TP73: variants seen among roughly 807,000 people sequenced by gnomAD.
The protein encoded by TP73 is p53-like transcription factor.
TP73 carries 25 observed loss-of-function variants against 62.5 expected under a neutral mutation model. The observed-to-expected ratio is 0.40, with a 90% CI of 0.29 to 0.56. The LOEUF is 0.56. TP73 is among the 20% of genes least tolerant of loss of function. The pLI is 0.46. For missense variants in TP73, 754 were observed against 913.3 expected, an observed-to-expected ratio of 0.83 and a Z score of 2.25; for synonymous variants, 423 against 377.5, an observed-to-expected ratio of 1.12 and a Z score of -1.40.
intron 3 of TP73, among the ~76,000 whole-genome samples, chr1:3,684,444 C>G (rs1645601610): frequency 6.6e-6 from 1 of 152,214 alleles, no homozygotes; most frequent in Non-Finnish European, 1.5e-5. Flanking sequence ...ATTCCAGGAG[C>G]TGGAGCCCCT....
rs186052465 is a variant in TP73, at chr1:3,709,454, C to T, written c.429+1663C>T. ...GACCGTGCCAGGGCTGTGGCCAGCA[C>T]GGTGCTTAGCTCGCAGCAGGAGGCC... On this transcript the variant is annotated intron_variant, in intron 4 of 13. Coordinates refer to ENST00000378295, the MANE Select transcript of TP73 (RefSeq NM_005427.4). Among the ~76,000 whole-genome samples, 150 of 152,364 alleles carry T rather than the reference C, an allele frequency of 9.8e-4. No homozygotes were observed. The Middle Eastern group carries it at 0.017, about 17-fold the overall frequency.
In TP73 at chr1:3,733,310, T is replaced by G. The variant is rs1187797055; in HGVS notation, c.*231T>G. 2.4e-5 allele frequency: 14 copies of G among 595,382 alleles called. No individual in the cohort carries two copies. Among genetic ancestry groups the G allele is most frequent in the Middle Eastern group, 7.6e-4 (2 of 2,640 alleles). The allele number at this position is 595,382 out of a possible 1,614,324, so 36.9% of individuals were successfully genotyped here. A position where few individuals can be genotyped will look rare whatever the true frequency, so the allele number is the denominator to read the frequency against. ...GCAGAACCTTCTGGAGCTGCCCTAG[T>G]GCTGGGCTTGTGGGGCGGGGGCTGG... On this transcript the variant is annotated 3_prime_UTR_variant, in exon 14 of 14. Transcript: ENST00000378295.
At chr1:3,669,842 G>T (rs928663567) in intron 1 of TP73, among the ~76,000 whole-genome samples, 2 of 152,240 alleles carry the variant, frequency 1.3e-5, no homozygotes, top group Non-Finnish European at 2.9e-5. Context: ...GGCTTGTGGG[G>T]ATTTGCTGTG....
chr1:3,731,434 C>T (rs1271314319), intron 12 of TP73, 29 bp from the exon 13 acceptor site: 1 of 1,601,506 alleles, frequency 6.2e-7, no homozygotes, highest in Non-Finnish European at 8.6e-7. Context: ...GAAGCTAATG[C>T]TGCTTCCTTT....
intron 3 of TP73, among the ~76,000 whole-genome samples, chr1:3,702,120 G>A (rs1023605342): frequency 2.6e-5 from 4 of 152,108 alleles, no homozygotes; most frequent in African/African-American, 7.2e-5. Context: ...AGCCATCACC[G>A]TCCCCAGCTT....
At position 3,666,469 on chromosome 1, in the gene TP73, C is replaced by T. The variant is rs1645116219; in HGVS notation, c.-34+13828C>T. 6.6e-6 allele frequency among the ~76,000 whole-genome samples: 1 copy of T among 152,194 alleles called. No individual in the cohort carries two copies. The highest frequency in any genetic ancestry group is 2.4e-5 in the African/African-American group (1 of 41,430). On this transcript the variant is annotated intron_variant, in intron 1 of 13. Coordinates refer to ENST00000378295, the MANE Select transcript of TP73 (RefSeq NM_005427.4). The surrounding 1 kb of genome is among the most constrained non-coding windows in gnomAD (Gnocchi z 6.4). ...CAGTTTCACTTCTGCGGCATGCCCTCAGGAACTCACTGATGCACACAGAGG... is the reference window on the plus strand; with the variant it reads ...CAGTTTCACTTCTGCGGCATGCCCTTAGGAACTCACTGATGCACACAGAGG...
intron 3 of TP73, among the ~76,000 whole-genome samples, chr1:3,700,875 AT>A (rs1639102218): frequency 6.6e-6 from 1 of 152,208 alleles, no homozygotes; most frequent in Admixed American, 6.5e-5. Flanking sequence ...ATCCAACTTA[AT>A]CTGAAATAGA....
chr1:3,729,460 C>G lies in TP73; in HGVS notation c.1196+12C>G. 1 of 1,612,510 alleles carries G rather than the reference C, an allele frequency of 6.2e-7. No individual in the cohort carries two copies. The highest frequency in any genetic ancestry group is 1.1e-5 in the South Asian group (1 of 91,070). On this transcript the variant is annotated intron_variant, in intron 10 of 13. Transcript: ENST00000378295. ...CTCCTACAGAGGCCGTGAGTCAGCCCTAGCCCACCATCAGTGTGGGGAAGG... is the reference window on the plus strand; with the variant it reads ...CTCCTACAGAGGCCGTGAGTCAGCCGTAGCCCACCATCAGTGTGGGGAAGG...
Position 3,703,049 on chromosome 1 carries a change from G to A in TP73, c.187-4500G>A, listed in dbSNP as rs3765745. The stretch of plus-strand genomic sequence containing the variant: ...AGAGTCCCCCGAGCCAGGTGGAGGG[G>A]CTTGTGGAGGATGCCTGGGGAGGCC... On this transcript the variant is annotated intron_variant, in intron 3 of 13. Transcript: ENST00000378295. Among the ~76,000 whole-genome samples, 414 of 152,336 alleles carry A rather than the reference G, an allele frequency of 2.7e-3. 17 individuals are homozygous for A. The East Asian group carries it at 0.068, about 25-fold the overall frequency.
intron 9 of TP73, 63 bp downstream of exon 9, chr1:3,728,280 C>A (rs2124525147): frequency 1.3e-6 from 2 of 1,544,802 alleles, no homozygotes; most frequent in South Asian, 1.1e-5. Context: ...CTGCTGAGCC[C>A]AGGCTGGGCC....
intron 1 of TP73, among the ~76,000 whole-genome samples, chr1:3,653,496 G>C (rs950267277): frequency 1.3e-5 from 2 of 152,234 alleles, no homozygotes; most frequent in Non-Finnish European, 2.9e-5. Flanking sequence ...ACAGGGGACA[G>C]ATAGACGATC....
Position 3,701,717 on chromosome 1 carries a change from T to C in TP73, c.187-5832T>C, listed in dbSNP as rs974247095. ...AGAGACGGGGTTTCACCATATTGGC[T>C]AGGCCAGTCTTGAACTCCGGACCTC... is the stretch of plus-strand genomic sequence containing the variant. On this transcript the variant is annotated intron_variant, in intron 3 of 13. Coordinates refer to ENST00000378295, the MANE Select transcript of TP73 (RefSeq NM_005427.4). The surrounding 1 kb of genome is among the most constrained non-coding windows in gnomAD (Gnocchi z 4.7). 1.3e-5 allele frequency among the ~76,000 whole-genome samples: 2 copies of C among 152,136 alleles called. No individual in the cohort carries two copies. The highest frequency in any genetic ancestry group is 2.9e-5 in the Non-Finnish European group (2 of 68,026).
chr1:3,733,054 A>T lies in TP73; in HGVS notation c.1886A>T (p.Glu629Val). ...GCCCGCAAGCAGCCCATCAAGGAGG[A>T]GTTCACGGAGGCCGAGATCCACTGA... is the stretch of plus-strand genomic sequence containing the variant. ...CKARKQPIKE[E>V]FTEAEIH Residue 629 changes from glutamate (E) to valine (V), a missense_variant, in exon 14 of 14, where the codon GAG becomes GTG. Coordinates refer to ENST00000378295, the MANE Select transcript of TP73 (RefSeq NM_005427.4). The T allele has an allele frequency of 6.5e-7, 1 of 1,538,746 alleles. No individual in the cohort carries two copies. The highest frequency in any genetic ancestry group is 2.4e-5 in the East Asian group (1 of 40,930).
chr1:3,714,520 C>G (rs899042730), intron 4 of TP73, among the ~76,000 whole-genome samples: 1 of 152,236 alleles, frequency 6.6e-6, no homozygotes, highest in African/African-American at 2.4e-5. Context: ...CTGCAGTGAG[C>G]AGAGCAGGCC....
At chr1:3,693,681 T>G (rs557260684) in intron 3 of TP73, among the ~76,000 whole-genome samples, 127 of 148,638 alleles carry the variant, frequency 8.5e-4, no homozygotes, top group African/African-American at 3.0e-3. Flanking sequence ...CCTCAGCCCC[T>G]CCTCCCACAA....
intron 1 of TP73, among the ~76,000 whole-genome samples, chr1:3,676,207 G>A (rs1645363821): frequency 6.7e-6 from 1 of 150,312 alleles, no homozygotes; most frequent in African/African-American, 2.5e-5. Flanking sequence ...GGGGACAGAG[G>A]ATGGGAGAAG....
In TP73 at chr1:3,733,398, C is replaced by A; in HGVS notation, c.*319C>A. On this transcript the variant is annotated 3_prime_UTR_variant, in exon 14 of 14. Transcript: ENST00000378295. ...TGGCAGGCGTGGGTGGGGACCGCAG[C>A]GTCGGCTCCGACTTCCAGGCTTCAT... 1 of 416,032 alleles carries A rather than the reference C, an allele frequency of 2.4e-6. No individual in the cohort carries two copies. The highest frequency in any genetic ancestry group is 3.2e-4 in the Middle Eastern group (1 of 3,104). 25.8% of individuals were successfully genotyped at this position (416,032 alleles called of 1,614,324 possible). A position where few individuals can be genotyped will look rare whatever the true frequency, so the allele number is the denominator to read the frequency against.
At chr1:3,722,326 C>T (rs1239052723) in intron 5 of TP73, 119 bp downstream of exon 5, 2 of 1,246,588 alleles carry the variant, frequency 1.6e-6, no homozygotes, top group East Asian at 5.2e-5. Flanking sequence ...AGCCATTCCC[C>T]TGCGGAGGGC....
intron 5 of TP73, among the ~76,000 whole-genome samples, chr1:3,722,877 T>A (rs1370869527): frequency 7.1e-6 from 1 of 141,810 alleles, no homozygotes; most frequent in Non-Finnish European, 1.5e-5. Context: ...TCTTTGCACC[T>A]GGCACAGGGT....
Sources: gnomAD v4.1 joint callset for allele counts (sites outside exome capture counted in the v4.1 genomes callset) on GRCh38, gnomAD v4.1.1 for gene constraint, Gnocchi (gnomAD v3.1) non-coding constraint, MANE v1.5 for transcripts, NCBI Gene and HGNC (gene_info 2026-07-23, HGNC 2026-07-21) for gene names.